The following C2orf66 variants were observed in gnomAD, a reference collection of about 807,000 sequenced individuals.
C2orf66 encodes uncharacterized protein C2orf66.
In C2orf66, 6 loss-of-function variants were observed where a neutral mutation model predicts 7.0. That is an observed-to-expected ratio of 0.86 (90% confidence interval 0.47 to 1.69). The LOEUF (loss-of-function observed/expected upper bound fraction) is 1.69, where lower values mean the gene tolerates loss of function less well. Ranked by LOEUF, C2orf66 falls within the 40% of genes most tolerant of loss-of-function variation. The probability of loss-of-function intolerance (pLI) is 0.01; values close to 1 mark genes in which losing one functional copy is unlikely to be tolerated. For missense variants in C2orf66, 107 were observed against 112.0 expected, an observed-to-expected ratio of 0.96 and a Z score of 0.20; for synonymous variants, 38 against 43.8, an observed-to-expected ratio of 0.87 and a Z score of 0.52.
At chr2:196,817,914 G>A in the C2orf66 span, among the ~76,000 whole-genome samples, 9 of 152,018 alleles carry the variant, frequency 5.9e-5, no homozygotes, top group South Asian at 2.1e-4. Context: ...CCCTAAAATC[G>A]CTGTTATTCT....
At chr2:196,808,959 A>G (rs532080875) in intron 1 of C2orf66, among the ~76,000 whole-genome samples, 1 of 152,338 alleles carries the variant, frequency 6.6e-6, no homozygotes, top group South Asian at 2.1e-4. Context: ...TTACAAATGA[A>G]TTGTACTATG....
intron 2 of C2orf66, 96 bp downstream of exon 2, chr2:196,807,328 A>T: frequency 1.4e-6 from 1 of 722,270 alleles, no homozygotes; most frequent in Non-Finnish European, 2.3e-6. Flanking sequence ...TCTATGAGGA[A>T]ATAAAATTAT....
At chr2:196,811,193 C>T (rs1025275014), upstream of C2orf66, among the ~76,000 whole-genome samples, 8 of 152,150 alleles carry the variant, frequency 5.3e-5, no homozygotes, top group African/African-American at 1.4e-4. Flanking sequence ...GGATGCCTGA[C>T]GCAAGATGGG....
the C2orf66 span, among the ~76,000 whole-genome samples, chr2:196,822,504 T>C: frequency 6.6e-6 from 1 of 152,236 alleles, no homozygotes; most frequent in African/African-American, 2.4e-5. Flanking sequence ...CATTCTCAAT[T>C]AGAAAACTGC....
the C2orf66 span, among the ~76,000 whole-genome samples, chr2:196,820,109 T>C: frequency 6.6e-6 from 1 of 152,338 alleles, no homozygotes; most frequent in South Asian, 2.1e-4. Context: ...CAATAAGAAA[T>C]AATTCATATT....
the C2orf66 span, among the ~76,000 whole-genome samples, chr2:196,824,294 G>A: frequency 1.3e-5 from 2 of 151,968 alleles, no homozygotes; most frequent in Non-Finnish European, 2.9e-5. Context: ...AATGAAATGA[G>A]AAGCTGAATG....
chr2:196,813,783 CAGA>C (rs1699898371), upstream of C2orf66, among the ~76,000 whole-genome samples: 1 of 152,226 alleles, frequency 6.6e-6, no homozygotes. Flanking sequence ...AGACACTTCT[CAGA>C]AGAAGACGTT....
At chr2:196,822,763 T>A in the C2orf66 span, among the ~76,000 whole-genome samples, 2 of 152,216 alleles carry the variant, frequency 1.3e-5, no homozygotes, top group African/African-American at 4.8e-5. Context: ...AGCTCTTATC[T>A]TTATATTCCA....
chr2:196,816,074 T>C, the C2orf66 span, among the ~76,000 whole-genome samples: 1 of 151,920 alleles, frequency 6.6e-6, no homozygotes, highest in African/African-American at 2.4e-5. Flanking sequence ...AGTTTGAAGG[T>C]GGAATAAAGA....
At chr2:196,828,751 C>G in the C2orf66 span, among the ~76,000 whole-genome samples, 1 of 152,140 alleles carries the variant, frequency 6.6e-6, no homozygotes, top group Non-Finnish European at 1.5e-5. Flanking sequence ...AAGGAGCAAA[C>G]TGCCATGATG....
chr2:196,819,540 C>A, the C2orf66 span, among the ~76,000 whole-genome samples: 1 of 151,662 alleles, frequency 6.6e-6, no homozygotes, highest in Non-Finnish European at 1.5e-5. Flanking sequence ...TCACAAGCCA[C>A]CCAGTCTATG....
At chr2:196,811,682 G>A (rs1180512019), upstream of C2orf66, among the ~76,000 whole-genome samples, 1 of 152,156 alleles carries the variant, frequency 6.6e-6, no homozygotes, top group South Asian at 2.1e-4. Flanking sequence ...CGTGGGGTTG[G>A]AGAGTATGCA....
intron 1 of C2orf66, 86 bp from the exon 2 acceptor site, chr2:196,807,708 G>T: frequency 1.8e-6 from 2 of 1,129,054 alleles, no homozygotes; most frequent in Middle Eastern, 2.2e-4. Flanking sequence ...TTTTTCCCCT[G>T]AATTGACTTT....
chr2:196,822,402 G>T, the C2orf66 span, among the ~76,000 whole-genome samples: 2 of 152,132 alleles, frequency 1.3e-5, no homozygotes, highest in Non-Finnish European at 2.9e-5. Context: ...CTTCAAAAGT[G>T]CATTCTGTAA....
chr2:196,817,066 T>C, the C2orf66 span, among the ~76,000 whole-genome samples: 1 of 151,930 alleles, frequency 6.6e-6, no homozygotes, highest in Admixed American at 6.6e-5. Context: ...GATTACATGC[T>C]TCAAAGGGTA....
At chr2:196,823,828 G>A in the C2orf66 span, among the ~76,000 whole-genome samples, 1 of 152,070 alleles carries the variant, frequency 6.6e-6, no homozygotes, top group Non-Finnish European at 1.5e-5. Flanking sequence ...TCCAAATTTT[G>A]TAAGATGGAT....
chr2:196,829,373 G>A, the C2orf66 span, among the ~76,000 whole-genome samples: 1 of 152,082 alleles, frequency 6.6e-6, no homozygotes, highest in Non-Finnish European at 1.5e-5. Context: ...TGGATCACCT[G>A]AGGTCAGGAG....
intron 1 of C2orf66, 104 bp downstream of exon 1, chr2:196,809,110 G>A: frequency 2.4e-6 from 3 of 1,240,940 alleles, no homozygotes; most frequent in Middle Eastern, 5.9e-4. Context: ...CTCAACCCTT[G>A]GTAGCCCCCT....
upstream of C2orf66, among the ~76,000 whole-genome samples, chr2:196,814,131 A>G (rs958828195): frequency 6.6e-6 from 1 of 152,264 alleles, no homozygotes; most frequent in African/African-American, 2.4e-5. Context: ...ACATATGTCT[A>G]TTGCAGCACT....
Sources: allele counts gnomAD v4.1 joint callset (sites outside exome capture counted in the v4.1 genomes callset), GRCh38; gene constraint gnomAD v4.1.1; transcripts MANE v1.5; gene names NCBI Gene and HGNC (gene_info 2026-07-23, HGNC 2026-07-21).